The following ANAPC4 variants were observed in gnomAD, a reference collection of about 807,000 sequenced individuals.
The protein encoded by ANAPC4 is anaphase promoting complex subunit 4, also known as anaphase-promoting complex subunit 4.
A neutral mutation model predicts 119.8 loss-of-function variants in ANAPC4; 63 were observed. The ratio of observed to expected loss-of-function variants is 0.53; its 90% CI spans 0.43 to 0.65. ANAPC4 has a LOEUF of 0.65. Ranked by LOEUF, ANAPC4 falls within the 30% of genes least tolerant of loss-of-function variation. ANAPC4 has a pLI of 0.00. For missense variants in ANAPC4, 716 were observed against 945.1 expected (o/e 0.76, Z 3.18); for synonymous variants, 283 against 318.6 (o/e 0.89, Z 1.19).
chr4:25,389,164 T>A (rs1330733623), intron 7 of ANAPC4, among the ~76,000 whole-genome samples: 1 of 150,332 alleles, frequency 6.7e-6, no homozygotes, highest in Non-Finnish European at 1.5e-5. Context: ...AGCTAATTTT[T>A]TTTTTTTTTT....
chr4:25,391,778 C>T (rs181465249), intron 9 of ANAPC4, among the ~76,000 whole-genome samples: 6 of 152,300 alleles, frequency 3.9e-5, no homozygotes, highest in Non-Finnish European at 5.9e-5. Flanking sequence ...TTCCAACATT[C>T]TCTTTGTATT....
In ANAPC4 at chr4:25,418,239, G is replaced by A; in HGVS notation, c.2284G>A (p.Glu762Lys). 6.2e-7 allele frequency: 1 copy of A among 1,614,102 alleles called. No homozygotes were observed. The highest frequency in any genetic ancestry group is 8.5e-7 in the Non-Finnish European group (1 of 1,179,972). Reference sequence around the variant, plus strand: ...GCTCGATGAGTCTTCAGATGAAGAGGAGGAGGCCAGTAATAAGCCTGTAAA... The same window carrying A: ...GCTCGATGAGTCTTCAGATGAAGAGAAGGAGGCCAGTAATAAGCCTGTAAA... Reference protein sequence around the residue: ...WELDESSDEEEEASNKPVKIK... With the variant: ...WELDESSDEEKEASNKPVKIK... Residue 762 changes from glutamate (E) to lysine (K), a missense_variant, in exon 29 of 29, where the codon GAG becomes AAG. Transcript: ENST00000315368.
At position 25,392,258 on chromosome 4, in the gene ANAPC4, A is replaced by T; in HGVS notation, c.706-80A>T. On this transcript the variant is annotated intron_variant, in intron 9 of 28. Coordinates refer to ENST00000315368, the MANE Select transcript of ANAPC4 (RefSeq NM_013367.3). ...TTCTGACATAGTCTTTCTGATACGT[A>T]GTTTGACCCACACTCTAAATTACAG... is the stretch of plus-strand genomic sequence containing the variant. The T allele has an allele frequency of 2.1e-6, 2 of 966,180 alleles. 1 individual carries two copies. The highest frequency in any genetic ancestry group is 3.3e-6 in the Non-Finnish European group (2 of 598,244). 59.9% of individuals were successfully genotyped at this position (966,180 alleles called of 1,614,324 possible).
rs1459413710 is a variant in ANAPC4, at chr4:25,413,710, A to T, written c.1591A>T (p.Asn531Tyr). The part of the protein sequence containing the change: ...SLHFVKRRME[N>Y]IIDQCLQKPA... ...GCATTTTGTGAAAAGGCGGATGGAGAATATTATTGATCAGTGTTTGCAAAA... is the reference window on the plus strand; with the variant it reads ...GCATTTTGTGAAAAGGCGGATGGAGTATATTATTGATCAGTGTTTGCAAAA... The change falls in exon 22 of 29, where the codon AAT becomes TAT. Residue 531 changes from asparagine to tyrosine, a missense_variant. Asn to Tyr is a moderately radical substitution (Grantham distance 143). Coordinates refer to ENST00000315368, the MANE Select transcript of ANAPC4 (RefSeq NM_013367.3). 2 of 1,613,238 alleles carry T rather than the reference A, an allele frequency of 1.2e-6. No individual in the cohort carries two copies. Among genetic ancestry groups the T allele is most frequent in the Admixed American group, 3.3e-5 (2 of 59,938 alleles).
Position 25,394,009 on chromosome 4 carries a change from T to A in ANAPC4, c.876+118T>A, listed in dbSNP as rs315671. ...TAAAAGGCTAAGATCATAATTTCTTTCAAATGGCTTCGTCTGACTTCAAAC... is the reference window on the plus strand; with the variant it reads ...TAAAAGGCTAAGATCATAATTTCTTACAAATGGCTTCGTCTGACTTCAAAC... On this transcript the variant is annotated intron_variant, in intron 11 of 28. Transcript: ENST00000315368. The A allele has an allele frequency of 7.5e-4, 651 of 872,610 alleles. 2 individuals are homozygous for A. The African/African-American group carries it at 0.01, about 14-fold the overall frequency. 54.1% of individuals were successfully genotyped at this position (872,610 alleles called of 1,614,324 possible).
In ANAPC4 at chr4:25,407,154, C is replaced by T. The variant is rs747656901; in HGVS notation, c.1375-43C>T. On this transcript the variant is annotated intron_variant, in intron 19 of 28. Coordinates refer to ENST00000315368, the MANE Select transcript of ANAPC4 (RefSeq NM_013367.3). ...GGTTTAAATTTAAGATATTTTTCTT[C>T]GTGAGTTGACTTAAGAATTAAACTA... 22 of 1,505,440 alleles carry T rather than the reference C, an allele frequency of 1.5e-5. No homozygotes were observed. In the Admixed American group the frequency reaches 2.9e-4, roughly 20 times the overall value. 93.3% of individuals were successfully genotyped at this position (1,505,440 alleles called of 1,614,324 possible). A position where few individuals can be genotyped will look rare whatever the true frequency, so the allele number is the denominator to read the frequency against.
Position 25,393,076 on chromosome 4 carries a change from GA to G in ANAPC4, c.789+656del, listed in dbSNP as rs1352913493. Among the ~76,000 whole-genome samples the G allele has an allele frequency of 2.0e-5, 3 of 152,158 alleles. No individual in the cohort carries two copies. In the East Asian group the frequency reaches 5.8e-4, roughly 29 times the overall value. On this transcript the variant is annotated intron_variant, in intron 10 of 28. Transcript: ENST00000315368. ...AAGAAATGGACTCTGCATCTGACTGGAGGGGCTACAAAAGATTGTGGCCATG... is the reference window on the plus strand; with the variant it reads ...AAGAAATGGACTCTGCATCTGACTGGGGGGCTACAAAAGATTGTGGCCATG...
rs767060078 is a variant in ANAPC4 at position 25,392,342 on chromosome 4, A to G, written c.710A>G (p.Glu237Gly). The G allele has an allele frequency of 1.9e-6, 3 of 1,610,632 alleles. No individual in the cohort carries two copies. The highest frequency in any genetic ancestry group is 1.7e-6 in the Non-Finnish European group (2 of 1,177,164). Residue 237 changes from glutamate (E) to glycine (G), a missense_variant, in exon 10 of 29, where the codon GAA becomes GGA. Around this residue, in one of 3 missense-constraint regions of ANAPC4, gnomAD observed 202 missense variants for 293.5 expected, o/e 0.69. Transcript: ENST00000315368. Reference protein sequence around the residue: ...GASEVSYFQLETNLLYSFLPE... With the variant: ...GASEVSYFQLGTNLLYSFLPE... ...TTTACTCTTTTGATTTTACAGCTTG[A>G]AACTAATCTGTTGTACTCTTTCTTA...
intron 27 of ANAPC4, chr4:25,416,980 A>C (rs1325237433): frequency 6.4e-6 from 1 of 156,820 alleles, no homozygotes; most frequent in African/African-American, 2.4e-5. Context: ...TAGGAAGTAT[A>C]CTGTCAATTC....
At position 25,392,520 on chromosome 4, in the gene ANAPC4, A is replaced by G. The variant is rs372830291; in HGVS notation, c.789+99A>G. 34 of 886,336 alleles carry G rather than the reference A, an allele frequency of 3.8e-5. No homozygotes were observed. The African/African-American group carries it at 4.9e-4, about 13-fold the overall frequency. The allele number at this position is 886,336 out of a possible 1,614,324, so 54.9% of individuals were successfully genotyped here. A position where few individuals can be genotyped will look rare whatever the true frequency, so the allele number is the denominator to read the frequency against. On this transcript the variant is annotated intron_variant, in intron 10 of 28. Transcript: ENST00000315368. ...AATTTTGTTTTGTAAAGCTTTCTGAAGTAGAGGTATCTAGTCTGATAGATG... is the reference window on the plus strand; with the variant it reads ...AATTTTGTTTTGTAAAGCTTTCTGAGGTAGAGGTATCTAGTCTGATAGATG...
chr4:25,416,729 C>A, intron 27 of ANAPC4, 131 bp downstream of exon 27: 1 of 645,286 alleles, frequency 1.5e-6, no homozygotes, highest in Non-Finnish European at 2.3e-6. Context: ...GGTAGCTGAG[C>A]AGAAATGCTC....
chr4:25,416,375 C>T, intron 26 of ANAPC4, 50 bp from the exon 27 acceptor site: 1 of 1,290,712 alleles, frequency 7.7e-7, no homozygotes, highest in Non-Finnish European at 1.0e-6. Context: ...ACAATATTTT[C>T]TCAGTAGTCA....
At chr4:25,400,871 G>C (rs544205250) in intron 16 of ANAPC4, among the ~76,000 whole-genome samples, 1 of 152,170 alleles carries the variant, frequency 6.6e-6, no homozygotes, top group African/African-American at 2.4e-5. Context: ...CAGATAGGAG[G>C]GGGTGTTTGG....
chr4:25,416,722 A>G (rs1350585461), intron 27 of ANAPC4, 124 bp downstream of exon 27: 9 of 729,446 alleles, frequency 1.2e-5, no homozygotes, highest in Admixed American at 7.4e-5. Context: ...CCACAGAGGT[A>G]GCTGAGCAGA....
intron 3 of ANAPC4, among the ~76,000 whole-genome samples, chr4:25,382,482 A>G (rs77354218): frequency 0.024 from 3,699 of 152,334 alleles, 116 homozygotes; most frequent in East Asian, 0.11. Context: ...ATTCAAAAAC[A>G]TGGAATCTCA....
In ANAPC4 at chr4:25,405,559, CTT is replaced by C. The variant is rs1198664816; in HGVS notation, c.1271-12_1271-11del. ...TTTGCTTTTAAAGATAGTTTTTTAA[CTT>C]TGTATTTCCAGCAATGTTGAGAATG... On this transcript the variant is annotated splice_polypyrimidine_tract_variant and intron_variant, in intron 17 of 28. Transcript: ENST00000315368. The surrounding 1 kb of genome is among the most constrained non-coding windows in gnomAD (Gnocchi z 4.6). 1 of 1,611,948 alleles carries C rather than the reference CTT, an allele frequency of 6.2e-7. No homozygotes were observed. The highest frequency in any genetic ancestry group is 8.5e-7 in the Non-Finnish European group (1 of 1,178,540).
Position 25,416,668 on chromosome 4 carries a change from C to G in ANAPC4, c.2075+70C>G, listed in dbSNP as rs1030057331. The G allele has an allele frequency of 5.1e-5, 63 of 1,233,220 alleles. No individual in the cohort carries two copies. The East Asian group carries it at 1.6e-3, about 31-fold the overall frequency. The allele number at this position is 1,233,220 out of a possible 1,614,324, so 76.4% of individuals were successfully genotyped here. A position where few individuals can be genotyped will look rare whatever the true frequency, so the allele number is the denominator to read the frequency against. The stretch of plus-strand genomic sequence containing the variant: ...TTTAATGCACATTATAAATTCCAAC[C>G]TTTTAGGTACGCTAGATAATGGTTA... On this transcript the variant is annotated intron_variant, in intron 27 of 28. Transcript: ENST00000315368.
At chr4:25,412,624 C>T (rs916919349) in intron 21 of ANAPC4, among the ~76,000 whole-genome samples, 2 of 151,916 alleles carry the variant, frequency 1.3e-5, no homozygotes, top group East Asian at 1.9e-4. Context: ...TGGTGGTGTG[C>T]ACCTGTAGTC....
chr4:25,416,265 C>T (rs1397824689), intron 26 of ANAPC4, 160 bp from the exon 27 acceptor site: 5 of 450,716 alleles, frequency 1.1e-5, no homozygotes, highest in African/African-American at 6.0e-5. Flanking sequence ...CAAAAAGTAA[C>T]TGATTTTAAT....
Sources: gnomAD v4.1 joint callset for allele counts (sites outside exome capture counted in the v4.1 genomes callset) on GRCh38, gnomAD v4.1.1 for gene constraint, gnomAD v4.1.1 regional missense constraint, Gnocchi (gnomAD v3.1) non-coding constraint, MANE v1.5 for transcripts, NCBI Gene and HGNC (gene_info 2026-07-23, HGNC 2026-07-21) for gene names.